STK32B: variants seen among roughly 807,000 people sequenced by gnomAD.
STK32B encodes the protein serine/threonine kinase 32B.
Under a neutral mutation model 52.6 loss-of-function variants are expected in STK32B, and 43 were observed. The observed-to-expected ratio is 0.82, with a 90% CI of 0.64 to 1.05. The LOEUF (loss-of-function observed/expected upper bound fraction) is 1.05. Among genes scored for constraint, STK32B ranks in the 50% least tolerant of loss-of-function variants. The probability of loss-of-function intolerance (pLI) is 0.00; values close to 1 mark genes in which losing one functional copy is unlikely to be tolerated. For missense variants in STK32B, 621 were observed against 534.6 expected, an observed-to-expected ratio of 1.16 and a Z score of -1.59; for synonymous variants, 238 against 204.3, an observed-to-expected ratio of 1.17 and a Z score of -1.41.
At chr4:5,171,327 C>T (rs1280169127) in intron 3 of STK32B, among the ~76,000 whole-genome samples, 1 of 151,912 alleles carries the variant, frequency 6.6e-6, no homozygotes, top group Admixed American at 6.6e-5. Context: ...TCCCATTTGT[C>T]AATTTTGGCT....
Position 5,102,436 on chromosome 4 carries a change from GCTTCCTTCCTTCCTTCCTTC to G in STK32B, c.53-37431_53-37412del, listed in dbSNP as rs201942952. Among the ~76,000 whole-genome samples the G allele has an allele frequency of 7.3e-3, 769 of 105,234 alleles. 8 individuals carry two copies. The highest frequency in any genetic ancestry group is 0.037 in the South Asian group (94 of 2,556). The allele number at this position is 105,234 out of a possible 152,430, so 69.0% of individuals were successfully genotyped here. A position where few individuals can be genotyped will look rare whatever the true frequency, so the allele number is the denominator to read the frequency against. ...CTTTCTTTCCTTCTTCTCCTTCCTT[GCTTCCTTCCTTCCTTCCTTC>G]CTTCCTTCCTTCCTTCCTTCCTTCC... On this transcript the variant is annotated intron_variant, in intron 1 of 11. Transcript: ENST00000282908.
At chr4:5,218,103 C>T (rs1044243733) in intron 3 of STK32B, among the ~76,000 whole-genome samples, 7 of 152,146 alleles carry the variant, frequency 4.6e-5, no homozygotes. Flanking sequence ...CATCTATACA[C>T]CTGCCATTCA....
chr4:5,412,268 A>G (rs1341355116), intron 5 of STK32B, among the ~76,000 whole-genome samples: 1 of 152,200 alleles, frequency 6.6e-6, no homozygotes, highest in East Asian at 1.9e-4. Flanking sequence ...TCGTATTTTC[A>G]CATTCTATAG....
At chr4:5,413,150 A>G (rs1045966588) in intron 5 of STK32B, among the ~76,000 whole-genome samples, 4 of 152,106 alleles carry the variant, frequency 2.6e-5, no homozygotes, top group Non-Finnish European at 4.4e-5. Context: ...GTTAAGCCCT[A>G]TAACTACCCC....
Position 5,482,094 on chromosome 4 carries a change from T to G in STK32B, c.1106+14024T>G, listed in dbSNP as rs544929300. On this transcript the variant is annotated intron_variant, in intron 11 of 11. Coordinates refer to ENST00000282908, the MANE Select transcript of STK32B (RefSeq NM_018401.3). The stretch of plus-strand genomic sequence containing the variant: ...CTCTATTTTGGTTCCATATGAACTT[T>G]AAAGTAGTTTTTTCCAATTCTGAGA... Among the ~76,000 whole-genome samples, 10 of 152,346 alleles carry G rather than the reference T, an allele frequency of 6.6e-5. No individual in the cohort carries two copies. In the South Asian group the frequency reaches 1.9e-3, roughly 28 times the overall value.
chr4:5,317,870 C>G (rs1432262314), intron 3 of STK32B, among the ~76,000 whole-genome samples: 1 of 152,014 alleles, frequency 6.6e-6, no homozygotes, highest in East Asian at 1.9e-4. Flanking sequence ...TAGATCGGCA[C>G]TTCTCAAAGT....
At chr4:5,262,080 C>T (rs1197080632) in intron 3 of STK32B, among the ~76,000 whole-genome samples, 1 of 152,138 alleles carries the variant, frequency 6.6e-6, no homozygotes, top group Non-Finnish European at 1.5e-5. Flanking sequence ...CCCTCCTTCC[C>T]CTCATCTTTG....
Position 5,317,746 on chromosome 4 carries a change from C to T in STK32B, c.261-13474C>T, listed in dbSNP as rs958970200. ...TCTTGGAGAAGGTGACAAGTGATTT[C>T]CTTATTTGAAGGATAAACAAAGAGT... On this transcript the variant is annotated intron_variant, in intron 3 of 11. Coordinates refer to ENST00000282908, the MANE Select transcript of STK32B (RefSeq NM_018401.3). Among the ~76,000 whole-genome samples the T allele has an allele frequency of 2.7e-5, 4 of 150,880 alleles. No individual in the cohort carries two copies. The South Asian group carries it at 8.3e-4, about 31-fold the overall frequency.
rs545317620 is a variant in STK32B, at chr4:5,333,164, C to A, written c.434+1771C>A. ...ACATCCTCTCCAGCACCTGTTGTTT[C>A]CTGACTTTTTAATGATTGCCATTCT... On this transcript the variant is annotated intron_variant, in intron 4 of 11. Transcript: ENST00000282908. Among the ~76,000 whole-genome samples the A allele has an allele frequency of 7.2e-5, 11 of 152,088 alleles. No individual in the cohort carries two copies. The South Asian group carries it at 2.3e-3, about 32-fold the overall frequency.
At chr4:5,149,264 T>C (rs1388721336) in intron 2 of STK32B, among the ~76,000 whole-genome samples, 1 of 151,864 alleles carries the variant, frequency 6.6e-6, no homozygotes, top group South Asian at 2.1e-4. Flanking sequence ...AGCGTATAGT[T>C]AGGTCTTGCT....
At chr4:5,471,177 C>T (rs1024912338) in intron 11 of STK32B, among the ~76,000 whole-genome samples, 2 of 152,226 alleles carry the variant, frequency 1.3e-5, no homozygotes, top group Admixed American at 6.5e-5. Flanking sequence ...AGATACTGCA[C>T]CTGCTGCAGG....
chr4:5,369,008 C>A (rs558428098), intron 4 of STK32B, among the ~76,000 whole-genome samples: 4 of 152,056 alleles, frequency 2.6e-5, no homozygotes, highest in African/African-American at 9.7e-5. Context: ...ACAGAGCTGT[C>A]CACATCGCAC....
chr4:5,463,538 G>A (rs184748262), intron 9 of STK32B, among the ~76,000 whole-genome samples: 227 of 151,714 alleles, frequency 1.5e-3, no homozygotes, highest in Non-Finnish European at 2.9e-3. Context: ...ATATGCACAC[G>A]TGCCCCCACA....
At chr4:5,419,605 C>T (rs985517254) in intron 6 of STK32B, among the ~76,000 whole-genome samples, 1 of 152,198 alleles carries the variant, frequency 6.6e-6, no homozygotes, top group African/African-American at 2.4e-5. Context: ...GTTTTCTGGT[C>T]CATAGAATGC....
At chr4:5,465,591 A>G (rs1180137829) in intron 9 of STK32B, among the ~76,000 whole-genome samples, 2 of 152,218 alleles carry the variant, frequency 1.3e-5, no homozygotes, top group Non-Finnish European at 2.9e-5. Context: ...CACCATGGTC[A>G]GGCATCCACC....
chr4:5,305,952 C>T (rs2108903526), intron 3 of STK32B, among the ~76,000 whole-genome samples: 1 of 152,222 alleles, frequency 6.6e-6, no homozygotes, highest in South Asian at 2.1e-4. Flanking sequence ...ATCTTGATTT[C>T]ATTGTTGATC....
intron 1 of STK32B, among the ~76,000 whole-genome samples, chr4:5,136,092 G>A (rs940579892): frequency 1.3e-5 from 2 of 152,146 alleles, no homozygotes; most frequent in African/African-American, 4.8e-5. Context: ...TTCTGAAAAC[G>A]CCACTGGATT....
At chr4:5,484,896 T>C (rs902690920) in intron 11 of STK32B, among the ~76,000 whole-genome samples, 3 of 152,212 alleles carry the variant, frequency 2.0e-5, no homozygotes, top group African/African-American at 7.2e-5. Flanking sequence ...TTCTTTTCTT[T>C]AAGAATGTTG....
chr4:5,206,935 A>G (rs1722610482), intron 3 of STK32B, among the ~76,000 whole-genome samples: 1 of 152,150 alleles, frequency 6.6e-6, no homozygotes, highest in South Asian at 2.1e-4. Flanking sequence ...TTCCAGACTC[A>G]TCCTGTTCTT....
Sources: allele counts gnomAD v4.1 joint callset (sites outside exome capture counted in the v4.1 genomes callset), GRCh38; gene constraint gnomAD v4.1.1; transcripts MANE v1.5; gene names NCBI Gene and HGNC (gene_info 2026-07-23, HGNC 2026-07-21).